The following PYROXD1 variants were observed in gnomAD, a reference collection of about 807,000 sequenced individuals.
PYROXD1 encodes the protein pyridine nucleotide-disulphide oxidoreductase domain 1.
In PYROXD1, 42 loss-of-function variants were observed where a neutral mutation model predicts 62.0. That is an observed-to-expected ratio of 0.68 (90% confidence interval 0.53 to 0.88). The LOEUF is 0.88. Among genes scored for constraint, PYROXD1 ranks in the 40% least tolerant of loss-of-function variants. The pLI is 0.00. For missense variants in PYROXD1, 493 were observed against 604.8 expected (o/e 0.82, Z 1.94); for synonymous variants, 170 against 206.4 (o/e 0.82, Z 1.51).
rs1942940953 is a variant in PYROXD1 at position 21,471,051 on chromosome 12, A to G, written c.*2297A>G. On this transcript the variant is annotated 3_prime_UTR_variant, in exon 12 of 12. Coordinates refer to ENST00000240651, the MANE Select transcript of PYROXD1 (RefSeq NM_024854.5). ...GTTCAGAAGATTAGCTTTAGGTCCT[A>G]TTTTCAAATACGAAATGGTAGCATA... The G allele has an allele frequency of 1.9e-6, 3 of 1,602,186 alleles. No homozygotes were observed. The highest frequency in any genetic ancestry group is 2.3e-5 in the East Asian group (1 of 43,768).
At chr12:21,460,582 C>G (rs1441994876) in intron 7 of PYROXD1, among the ~76,000 whole-genome samples, 1 of 151,874 alleles carries the variant, frequency 6.6e-6, no homozygotes, top group African/African-American at 2.4e-5. Context: ...CACCACCAGG[C>G]CTGGCTAATT....
chr12:21,454,215 A>T (rs1399745035), intron 5 of PYROXD1, among the ~76,000 whole-genome samples: 1 of 152,030 alleles, frequency 6.6e-6, no homozygotes, highest in Non-Finnish European at 1.5e-5. Context: ...TGAAATAAAG[A>T]TGACAATACT....
intron 10 of PYROXD1, among the ~76,000 whole-genome samples, chr12:21,465,227 T>G (rs188712111): frequency 1.3e-5 from 2 of 152,206 alleles, no homozygotes; most frequent in Admixed American, 1.3e-4. Flanking sequence ...TAGTTCTAGA[T>G]CCCTGAGGAA....
In PYROXD1 at chr12:21,455,798, C is replaced by T. The variant is rs2302499; in HGVS notation, c.650-197C>T. 0.49 allele frequency among the ~76,000 whole-genome samples: 74,750 copies of T among 151,656 alleles called. 18,483 individuals carry two copies. Among genetic ancestry groups the T allele is most frequent in the Middle Eastern group, 0.59 (171 of 290 alleles). On this transcript the variant is annotated intron_variant, in intron 6 of 11. Transcript: ENST00000240651. ...GAGTGTGTTTATACTCAACACACAA[C>T]TGAAAGATTATCTGTTTTGTAACTC... is the stretch of plus-strand genomic sequence containing the variant.
At chr12:21,441,484 T>C (rs1942293927) in intron 2 of PYROXD1, among the ~76,000 whole-genome samples, 1 of 152,186 alleles carries the variant, frequency 6.6e-6, no homozygotes, top group African/African-American at 2.4e-5. Flanking sequence ...CTTCTTCCCT[T>C]CTGACTGTAT....
At chr12:21,438,827 T>TA (rs1222984319) in intron 1 of PYROXD1, among the ~76,000 whole-genome samples, 1 of 152,182 alleles carries the variant, frequency 6.6e-6, no homozygotes, top group Non-Finnish European at 1.5e-5. Context: ...TAAGTAAACA[T>TA]ATATGATGCA....
intron 2 of PYROXD1, among the ~76,000 whole-genome samples, chr12:21,444,389 T>A (rs1942348871): frequency 6.6e-6 from 1 of 152,166 alleles, no homozygotes; most frequent in Non-Finnish European, 1.5e-5. Context: ...CACCAAAAAG[T>A]CACTAGTGCT....
intron 1 of PYROXD1, 117 bp from the exon 2 acceptor site, chr12:21,440,251 T>C: frequency 1.7e-6 from 1 of 595,596 alleles, no homozygotes. Flanking sequence ...AACAGTGGGT[T>C]TTTAATTTTC....
At chr12:21,457,124 A>G (rs1430025806) in intron 7 of PYROXD1, 1 of 276,908 alleles carries the variant, frequency 3.6e-6, no homozygotes, top group Non-Finnish European at 7.1e-6. Flanking sequence ...GTTAATGTTG[A>G]TATTTTGACT....
intron 1 of PYROXD1, among the ~76,000 whole-genome samples, chr12:21,439,792 TAATG>T (rs1288206933): frequency 6.6e-6 from 1 of 152,076 alleles, no homozygotes; most frequent in East Asian, 1.9e-4. Context: ...TAAAGGAAAA[TAATG>T]AAACATTAAC....
chr12:21,460,690 G>T (rs995413101), intron 7 of PYROXD1, among the ~76,000 whole-genome samples: 3 of 152,182 alleles, frequency 2.0e-5, no homozygotes, highest in African/African-American at 7.2e-5. Context: ...CTCCCAGAGT[G>T]CTGGGATTAC....
chr12:21,451,265 A>C (rs2192177), intron 4 of PYROXD1, among the ~76,000 whole-genome samples: 29,332 of 150,640 alleles, frequency 0.19, 3,102 homozygotes, highest in South Asian at 0.24. Context: ...ATTATACTTT[A>C]AGTTCTAGGG....
chr12:21,468,543 G>A lies in PYROXD1; in HGVS notation c.1292G>A (p.Gly431Asp). 1 of 1,612,756 alleles carries A rather than the reference G, an allele frequency of 6.2e-7. No individual in the cohort carries two copies. The highest frequency in any genetic ancestry group is 8.5e-7 in the Non-Finnish European group (1 of 1,179,146). Residue 431 changes from glycine to aspartate, a missense_variant, in exon 12 of 12, where the codon GGT becomes GAT. Gly to Asp is a moderately conservative substitution (Grantham distance 94, BLOSUM62 -1). This residue lies in a region of PYROXD1 where 329 missense variants were observed against 446.6 expected (regional missense o/e 0.74). Coordinates refer to ENST00000240651, the MANE Select transcript of PYROXD1 (RefSeq NM_024854.5). Reference sequence around the variant, plus strand: ...GGAAAATACAATGCACAGGGCTTAGGTTCAGATCATGAATTAATGCTGAGA... The same window carrying A: ...GGAAAATACAATGCACAGGGCTTAGATTCAGATCATGAATTAATGCTGAGA... Reference protein sequence around the residue: ...LLGKYNAQGLGSDHELMLRCT... With the variant: ...LLGKYNAQGLDSDHELMLRCT...
At chr12:21,467,707 G>T (rs756533127) in intron 11 of PYROXD1, 89 bp downstream of exon 11, 2 of 1,031,152 alleles carry the variant, frequency 1.9e-6, no homozygotes, top group African/African-American at 1.6e-5. Context: ...GAATAAAAAC[G>T]TACATAGTTT....
At chr12:21,465,914 TA>T (rs1408694271) in intron 10 of PYROXD1, among the ~76,000 whole-genome samples, 1 of 152,230 alleles carries the variant, frequency 6.6e-6, no homozygotes, top group Non-Finnish European at 1.5e-5. Context: ...CACCATTTAT[TA>T]AATAGGGAAT....
chr12:21,468,671 C>T lies in PYROXD1; in HGVS notation c.1420C>T (p.Leu474=), dbSNP rs763277688. The T allele has an allele frequency of 6.2e-7, 1 of 1,612,196 alleles. No homozygotes were observed. Among genetic ancestry groups the T allele is most frequent in the Admixed American group, 1.7e-5 (1 of 59,756 alleles). The change falls in exon 12 of 12, where the codon CTA becomes TTA. Residue 474 remains leucine, a synonymous_variant. Coordinates refer to ENST00000240651, the MANE Select transcript of PYROXD1 (RefSeq NM_024854.5). ...ETDLEETFEN[L]ILNQMNLSSY... The stretch of plus-strand genomic sequence containing the variant: ...CGATTTAGAAGAAACATTTGAAAAC[C>T]TAATCTTAAACCAAATGAATCTTTC...
intron 4 of PYROXD1, 131 bp downstream of exon 4, chr12:21,449,822 C>T: frequency 4.6e-6 from 3 of 658,308 alleles, no homozygotes; most frequent in Non-Finnish European, 7.6e-6. Context: ...CAGTAAACCA[C>T]AGAGTGGTTA....
At chr12:21,467,711 A>G in intron 11 of PYROXD1, 93 bp downstream of exon 11, 1 of 974,992 alleles carries the variant, frequency 1.0e-6, no homozygotes, top group South Asian at 1.8e-5. Flanking sequence ...AAAAACGTAC[A>G]TAGTTTTAAT....
In PYROXD1 at chr12:21,440,591, A is replaced by G. The variant is rs73246509; in HGVS notation, c.165+143A>G. 3,884 of 521,174 alleles carry G rather than the reference A, an allele frequency of 7.5e-3. 102 individuals are homozygous for G. The highest frequency in any genetic ancestry group is 0.065 in the African/African-American group (3,308 of 50,564). The allele number at this position is 521,174 out of a possible 1,614,324, so 32.3% of individuals were successfully genotyped here. A position where few individuals can be genotyped will look rare whatever the true frequency, so the allele number is the denominator to read the frequency against. On this transcript the variant is annotated intron_variant, in intron 2 of 11. Coordinates refer to ENST00000240651, the MANE Select transcript of PYROXD1 (RefSeq NM_024854.5). ...GCTGTACAACATGATGTTTTGATAC[A>G]TGTATACATTGTGGAATGGCTAAGT...
Sources: gnomAD v4.1 joint callset for allele counts (sites outside exome capture counted in the v4.1 genomes callset) on GRCh38, gnomAD v4.1.1 for gene constraint, gnomAD v4.1.1 regional missense constraint, MANE v1.5 for transcripts, NCBI Gene and HGNC (gene_info 2026-07-23, HGNC 2026-07-21) for gene names.